Variants in DIS3 observed in about 807,000 individuals in gnomAD.
DIS3 encodes the protein exosome complex exonuclease RRP44.
A neutral mutation model predicts 113.0 loss-of-function variants in DIS3; 103 were observed. That is an observed-to-expected ratio of 0.91 (90% CI 0.78 to 1.07). DIS3 has a LOEUF of 1.07. Among genes scored for constraint, DIS3 ranks in the 50% least tolerant of loss-of-function variants. The pLI is 0.00. For synonymous variants in DIS3, 402 were observed against 394.3 expected, an observed-to-expected ratio of 1.02 and a Z score of -0.23; for missense variants, 1,121 against 1,167.1, an observed-to-expected ratio of 0.96 and a Z score of 0.58.
chr13:72,754,714 T>G lies in DIS3; in HGVS notation c.*5081A>C, dbSNP rs2033397518. ...AGATAAATGAAGGATTTTTTTAAAT[T>G]TTATTATTTTATTTTTTTTGAGACA... is the stretch of plus-strand genomic sequence containing the variant. On this transcript the variant is annotated 3_prime_UTR_variant, in exon 21 of 21. Transcript: ENST00000377767. 6.6e-6 allele frequency: 1 copy of G among 152,638 alleles called. No individual in the cohort carries two copies. The allele number at this position is 152,638 out of a possible 1,614,324, so 9.5% of individuals were successfully genotyped here. A position where few individuals can be genotyped will look rare whatever the true frequency, so the allele number is the denominator to read the frequency against.
chr13:72,765,914 A>T, intron 15 of DIS3, 58 bp downstream of exon 15: 2 of 1,220,202 alleles, frequency 1.6e-6, no homozygotes, highest in East Asian at 2.5e-5. Context: ...TACTTACAGT[A>T]GACATGACAA....
intron 7 of DIS3, 58 bp downstream of exon 7, chr13:72,773,888 A>T: frequency 6.3e-7 from 1 of 1,591,672 alleles, no homozygotes; most frequent in Non-Finnish European, 8.5e-7. Flanking sequence ...AAGAAAGGCT[A>T]TAAGTTCTAT....
intron 14 of DIS3, among the ~76,000 whole-genome samples, chr13:72,766,768 A>G (rs973933622): frequency 6.6e-5 from 10 of 152,194 alleles, no homozygotes; most frequent in African/African-American, 4.8e-5. Context: ...GGTCAGCTCC[A>G]AATCAACCTA....
At chr13:72,780,824 T>C in intron 2 of DIS3, 22 bp downstream of exon 2, 1 of 1,572,614 alleles carries the variant, frequency 6.4e-7, no homozygotes, top group Non-Finnish European at 8.6e-7. Context: ...TTTTCTGATA[T>C]TTAACGTAAT....
intron 13 of DIS3, among the ~76,000 whole-genome samples, chr13:72,769,984 G>C (rs1316933314): frequency 6.6e-6 from 1 of 152,166 alleles, no homozygotes; most frequent in Non-Finnish European, 1.5e-5. Flanking sequence ...GGACAAGAAA[G>C]ATAACCTGGC....
At chr13:72,777,960 T>A (rs933437146) in intron 3 of DIS3, among the ~76,000 whole-genome samples, 3 of 152,160 alleles carry the variant, frequency 2.0e-5, no homozygotes, top group Non-Finnish European at 4.4e-5. Context: ...TTTATGAGAT[T>A]TCATTGCTAA....
Position 72,771,817 on chromosome 13 carries a change from G to C in DIS3, c.1583C>G (p.Thr528Arg). ...ALDQESARRG[T>R]TVYLCEKRID... ...TACCTTTTCACAAAGATACACAGTT[G>C]TTCCTCTTCTGGCTGATTCTTGATC... The change falls in exon 11 of 21, where the codon ACA (threonine) becomes AGA (arginine). Residue 528 changes from threonine (T) to arginine (R), a missense_variant. Physicochemically the swap from Thr to Arg is moderately conservative, Grantham distance 71. Transcript: ENST00000377767. The C allele has an allele frequency of 6.2e-7, 1 of 1,613,620 alleles. No homozygotes were observed. Among genetic ancestry groups the C allele is most frequent in the Non-Finnish European group, 8.5e-7 (1 of 1,179,844 alleles).
chr13:72,768,970 A>C, intron 13 of DIS3, 58 bp from the exon 14 acceptor site: 1 of 1,197,936 alleles, frequency 8.3e-7, no homozygotes. Context: ...ATGGTTTTCA[A>C]TATGTCCTCC....
chr13:72,776,877 AC>A (rs2034029400), intron 4 of DIS3, among the ~76,000 whole-genome samples: 1 of 152,172 alleles, frequency 6.6e-6, no homozygotes, highest in Non-Finnish European at 1.5e-5. Context: ...ACAAACAAAT[AC>A]CATTTCCAAT....
intron 8 of DIS3, among the ~76,000 whole-genome samples, chr13:72,773,376 C>T (rs549147105): frequency 1.8e-4 from 27 of 152,212 alleles, no homozygotes; most frequent in Admixed American, 3.3e-4. Flanking sequence ...ACACAAGAAT[C>T]GCTTGAACCT....
chr13:72,776,026 T>C lies in DIS3; in HGVS notation c.721A>G (p.Ile241Val). The change falls in exon 5 of 21, where the codon ATA (isoleucine) becomes GTA (valine). Residue 241 changes from isoleucine (I) to valine (V), a missense_variant. Physicochemically the swap from Ile to Val is conservative, Grantham distance 29. Transcript: ENST00000377767. ...CCTTGAAGGTATGTACCAGATTTTA[T>C]GCCTTGCTGTAGCTTACTTAAGGGA... Reference protein sequence around the residue: ...HLPLSKLQQGIKSGTYLQGTF... With the variant: ...HLPLSKLQQGVKSGTYLQGTF... The C allele has an allele frequency of 1.9e-6, 3 of 1,610,502 alleles. No individual in the cohort carries two copies. Among genetic ancestry groups the C allele is most frequent in the Non-Finnish European group, 2.5e-6 (3 of 1,179,020 alleles).
Position 72,766,003 on chromosome 13 carries a change from C to T in DIS3, c.1939G>A (p.Asp647Asn), listed in dbSNP as rs753955825. 11 of 1,610,906 alleles carry T rather than the reference C, an allele frequency of 6.8e-6. No individual in the cohort carries two copies. Among genetic ancestry groups the T allele is most frequent in the Non-Finnish European group, 8.5e-6 (10 of 1,178,350 alleles). ...TCCTTGGTCTGCAGATCTATAGGAT[C>T]GTGAGTTTCACTGTCCATGTGGAAT... ...VRFHMDSETH[D>N]PIDLQTKELR... The change falls in exon 15 of 21, where the codon GAT becomes AAT. Residue 647 changes from aspartate to asparagine, a missense_variant. Asp to Asn is a conservative substitution (Grantham distance 23). This residue lies in a region of DIS3 where 861 missense variants were observed against 915.5 expected (regional missense o/e 0.94). Transcript: ENST00000377767.
Position 72,772,802 on chromosome 13 carries a change from T to G in DIS3, c.1277A>C (p.Lys426Thr). The change falls in exon 9 of 21, where the codon AAA becomes ACA. Residue 426 changes from lysine (K) to threonine (T), a missense_variant. Physicochemically the swap from Lys to Thr is moderately conservative, Grantham distance 78. Transcript: ENST00000377767. Reference sequence around the variant, plus strand: ...TAACAAAACTTCTGTTTCAGTCTCTTTCTCTCCAACATCACCTAAATTTCT... The same window carrying G: ...TAACAAAACTTCTGTTTCAGTCTCTGTCTCTCCAACATCACCTAAATTTCT... ...FVRNLGDVGE[K>T]ETETEVLLLE... 1 of 1,611,772 alleles carries G rather than the reference T, an allele frequency of 6.2e-7. No homozygotes were observed. Among genetic ancestry groups the G allele is most frequent in the Non-Finnish European group, 8.5e-7 (1 of 1,179,422 alleles).
At position 72,775,870 on chromosome 13, in the gene DIS3, A is replaced by G. The variant is rs1479405305; in HGVS notation, c.822+55T>C. On this transcript the variant is annotated intron_variant, in intron 5 of 20. Transcript: ENST00000377767. ...TAGTATTTACCATTAAGTGTTCATA[A>G]TATATAAAATATCATCTTTATTTTA... The G allele has an allele frequency of 2.4e-5, 33 of 1,383,100 alleles. No homozygotes were observed. The South Asian group carries it at 4.3e-4, about 18-fold the overall frequency. 85.7% of individuals were successfully genotyped at this position (1,383,100 alleles called of 1,614,324 possible).
At position 72,761,691 on chromosome 13, in the gene DIS3, T is replaced by C. The variant is rs1485155456; in HGVS notation, c.2466A>G (p.Lys822=). The C allele has an allele frequency of 1.9e-6, 3 of 1,613,390 alleles. No homozygotes were observed. The highest frequency in any genetic ancestry group is 1.7e-6 in the Non-Finnish European group (2 of 1,179,854). Reference sequence around the variant, plus strand: ...ATGCACGTTGGGCATATTGAGCCATTTTGTGCCGGAAATTTAGATTTTTAC... The same window carrying C: ...ATGCACGTTGGGCATATTGAGCCATCTTGTGCCGGAAATTTAGATTTTTAC... ...DICKNLNFRH[K]MAQYAQRASV... is the part of the protein sequence containing the mutation. The change falls in exon 18 of 21, where the codon AAA becomes AAG. Residue 822 remains lysine (K), a synonymous_variant. Transcript: ENST00000377767.
At position 72,754,014 on chromosome 13, in the gene DIS3, A is replaced by C. The variant is rs890103688; in HGVS notation, c.*5781T>G. The C allele has an allele frequency of 9.8e-5, 53 of 540,474 alleles. No homozygotes were observed. The highest frequency in any genetic ancestry group is 2.1e-4 in the Admixed American group (6 of 28,656). 33.5% of individuals were successfully genotyped at this position (540,474 alleles called of 1,614,324 possible). A position where few individuals can be genotyped will look rare whatever the true frequency, so the allele number is the denominator to read the frequency against. On this transcript the variant is annotated 3_prime_UTR_variant, in exon 21 of 21. Coordinates refer to ENST00000377767, the MANE Select transcript of DIS3 (RefSeq NM_014953.5). The stretch of plus-strand genomic sequence containing the variant: ...AATACACAAGTATCTTACATACTAC[A>C]AAGTGTGCAAAGGTAGCGTGTATTT...
At position 72,759,109 on chromosome 13, in the gene DIS3, G is replaced by A. The variant is rs1334805607; in HGVS notation, c.*686C>T. The A allele has an allele frequency of 1.1e-5, 2 of 181,852 alleles. No individual in the cohort carries two copies. The highest frequency in any genetic ancestry group is 9.1e-5 in the East Asian group (1 of 11,028). 11.3% of individuals were successfully genotyped at this position (181,852 alleles called of 1,614,324 possible). On this transcript the variant is annotated 3_prime_UTR_variant, in exon 21 of 21. Coordinates refer to ENST00000377767, the MANE Select transcript of DIS3 (RefSeq NM_014953.5). The stretch of plus-strand genomic sequence containing the variant: ...AAGATATAGACATTTGAATGCCAAT[G>A]TCTTATTCTGGAGAGACACTGGAGC...
At position 72,755,249 on chromosome 13, in the gene DIS3, A is replaced by G; in HGVS notation, c.*4546T>C. The G allele has an allele frequency of 6.4e-7, 1 of 1,559,624 alleles. No homozygotes were observed. Among genetic ancestry groups the G allele is most frequent in the East Asian group, 2.2e-5 (1 of 44,594 alleles). Reference sequence around the variant, plus strand: ...CTGTCAGAATCAAAGACTAAGCTTAAGAGTTCCTCGCATATATCGTTGTGC... The same window carrying G: ...CTGTCAGAATCAAAGACTAAGCTTAGGAGTTCCTCGCATATATCGTTGTGC... On this transcript the variant is annotated 3_prime_UTR_variant, in exon 21 of 21. Transcript: ENST00000377767.
chr13:72,769,481 C>G (rs1211797649), intron 13 of DIS3, among the ~76,000 whole-genome samples: 1 of 151,118 alleles, frequency 6.6e-6, no homozygotes, highest in Non-Finnish European at 1.5e-5. Context: ...TCAGAGAAAT[C>G]CATCATTTTT....
Sources: gnomAD v4.1 joint callset for allele counts (sites outside exome capture counted in the v4.1 genomes callset) on GRCh38, gnomAD v4.1.1 for gene constraint, gnomAD v4.1.1 regional missense constraint, MANE v1.5 for transcripts, NCBI Gene and HGNC (gene_info 2026-07-23, HGNC 2026-07-21) for gene names.